Variants in DCC observed in about 807,000 individuals in gnomAD.
DCC encodes netrin receptor DCC.
Under a neutral mutation model 172.5 loss-of-function variants are expected in DCC, and 58 were observed. That is an observed-to-expected ratio of 0.34 (90% CI 0.27 to 0.42). The LOEUF (loss-of-function observed/expected upper bound fraction) is 0.42. DCC is among the 10% of genes least tolerant of loss of function. DCC has a pLI of 1.00. For synonymous variants in DCC, 709 were observed against 644.5 expected (o/e 1.10, Z -1.52); for missense variants, 1,740 against 1,791.0 (o/e 0.97, Z 0.51).
At chr18:52,864,218 C>G (rs559442021) in intron 2 of DCC, among the ~76,000 whole-genome samples, 216 of 152,246 alleles carry the variant, frequency 1.4e-3, no homozygotes, top group Admixed American at 2.8e-3. Flanking sequence ...TCCACATGTT[C>G]AAAGCCTTTA....
intron 2 of DCC, among the ~76,000 whole-genome samples, chr18:52,796,238 C>T (rs1232280957): frequency 6.6e-6 from 1 of 151,970 alleles, no homozygotes; most frequent in African/African-American, 2.4e-5. Flanking sequence ...ATTCTGCTTA[C>T]ATTCAAGCTT....
At chr18:53,110,145 G>C (rs1417536004) in intron 7 of DCC, among the ~76,000 whole-genome samples, 1 of 151,554 alleles carries the variant, frequency 6.6e-6, no homozygotes, top group Non-Finnish European at 1.5e-5. Flanking sequence ...CACTATCCCT[G>C]AGTTAGAAAC....
In DCC at chr18:52,956,687, G is replaced by A. The variant is rs72926141; in HGVS notation, c.985+31317G>A. Among the ~76,000 whole-genome samples the A allele has an allele frequency of 8.4e-3, 1,276 of 152,190 alleles. 10 individuals are homozygous for A. Among genetic ancestry groups the A allele is most frequent in the Non-Finnish European group, 0.015 (1,004 of 67,976 alleles). ...CATGGACTCTATAGATCAAGTTGGGGAGAAATTACGTCTTCACACAATCAG... is the reference window on the plus strand; with the variant it reads ...CATGGACTCTATAGATCAAGTTGGGAAGAAATTACGTCTTCACACAATCAG... On this transcript the variant is annotated intron_variant, in intron 5 of 28. Transcript: ENST00000442544.
chr18:53,362,291 A>G (rs2057956504), intron 15 of DCC, among the ~76,000 whole-genome samples: 1 of 152,202 alleles, frequency 6.6e-6, no homozygotes. Context: ...ATTTATTTAA[A>G]GAATATTTGG....
chr18:53,357,828 G>A (rs901513881), intron 15 of DCC, among the ~76,000 whole-genome samples: 5 of 152,112 alleles, frequency 3.3e-5, no homozygotes, highest in Non-Finnish European at 7.3e-5. Flanking sequence ...TTCAGACTGC[G>A]GGATCAGAAT....
chr18:52,954,335 T>C (rs2040706954), intron 5 of DCC, among the ~76,000 whole-genome samples: 1 of 152,150 alleles, frequency 6.6e-6, no homozygotes, highest in South Asian at 2.1e-4. Flanking sequence ...GATGAAATAA[T>C]CATACTGTTT....
At chr18:52,882,350 T>A (rs1017989690) in intron 2 of DCC, among the ~76,000 whole-genome samples, 1 of 152,116 alleles carries the variant, frequency 6.6e-6, no homozygotes, top group Non-Finnish European at 1.5e-5. Flanking sequence ...ACTTGCCTTT[T>A]CTTTTTTAGT....
chr18:53,271,487 C>T (rs918153553), intron 12 of DCC, among the ~76,000 whole-genome samples: 7 of 152,126 alleles, frequency 4.6e-5, no homozygotes, highest in Admixed American at 1.3e-4. Flanking sequence ...TTTTCATCTG[C>T]AAGTTTGACT....
chr18:52,850,733 A>G (rs949943344), intron 2 of DCC, among the ~76,000 whole-genome samples: 10 of 152,154 alleles, frequency 6.6e-5, no homozygotes, highest in Non-Finnish European at 1.0e-4. Context: ...CTTGAATAAA[A>G]GTAGTTCAAT....
intron 2 of DCC, among the ~76,000 whole-genome samples, chr18:52,755,568 G>T (rs1200927125): frequency 6.6e-6 from 1 of 152,138 alleles, no homozygotes; most frequent in Non-Finnish European, 1.5e-5. Flanking sequence ...TATGTCTGCT[G>T]AGGTTAAGAT....
At chr18:53,439,317 A>T (rs547288710) in intron 22 of DCC, among the ~76,000 whole-genome samples, 1 of 152,324 alleles carries the variant, frequency 6.6e-6, no homozygotes, top group African/African-American at 2.4e-5. Flanking sequence ...TGTGCAAGTG[A>T]GGCCCCTGAG....
intron 15 of DCC, among the ~76,000 whole-genome samples, chr18:53,359,270 G>T (rs984796711): frequency 6.6e-6 from 1 of 152,198 alleles, no homozygotes; most frequent in East Asian, 1.9e-4. Flanking sequence ...AGTCCATGCT[G>T]TATATTTAAC....
At chr18:53,433,455 A>C (rs1481954260) in intron 21 of DCC, among the ~76,000 whole-genome samples, 1 of 152,316 alleles carries the variant, frequency 6.6e-6, no homozygotes, top group Non-Finnish European at 1.5e-5. Context: ...ATTATTCCCA[A>C]CAGGAAACAT....
At chr18:53,285,800 G>C (rs1353595309) in intron 12 of DCC, among the ~76,000 whole-genome samples, 1 of 152,200 alleles carries the variant, frequency 6.6e-6, no homozygotes, top group Admixed American at 6.5e-5. Flanking sequence ...AGCCACAGGG[G>C]TAGAGCTGCC....
chr18:52,515,866 A>G (rs1354859757), intron 1 of DCC, among the ~76,000 whole-genome samples: 5 of 148,948 alleles, frequency 3.4e-5, no homozygotes, highest in African/African-American at 9.8e-5. Flanking sequence ...AAGAACTACT[A>G]TGTAGATTAT....
chr18:53,016,998 T>G (rs1189381280), intron 5 of DCC, among the ~76,000 whole-genome samples: 1 of 152,166 alleles, frequency 6.6e-6, no homozygotes, highest in Admixed American at 6.5e-5. Flanking sequence ...GAAAAGTGGT[T>G]TATTGAAGTT....
At chr18:52,523,240 G>A (rs1032898549) in intron 1 of DCC, among the ~76,000 whole-genome samples, 6 of 152,204 alleles carry the variant, frequency 3.9e-5, no homozygotes, top group Non-Finnish European at 8.8e-5. Context: ...AGGGGAACAT[G>A]GAGATTTCTG....
chr18:52,358,869 A>G (rs1249720443), intron 1 of DCC, among the ~76,000 whole-genome samples: 1 of 152,188 alleles, frequency 6.6e-6, no homozygotes, highest in Admixed American at 6.5e-5. Context: ...TGCAGCATCA[A>G]TGCTTTAGAA....
chr18:52,699,892 T>C (rs1433428978), intron 1 of DCC, among the ~76,000 whole-genome samples: 1 of 152,306 alleles, frequency 6.6e-6, no homozygotes. Context: ...CCATTTAACA[T>C]GTACAATGGT....
Sources: gnomAD v4.1 joint callset for allele counts (sites outside exome capture counted in the v4.1 genomes callset) on GRCh38, gnomAD v4.1.1 for gene constraint, MANE v1.5 for transcripts, NCBI Gene and HGNC (gene_info 2026-07-23, HGNC 2026-07-21) for gene names.